NBEA: variants seen among roughly 807,000 people sequenced by gnomAD.
NBEA encodes the protein neurobeachin.
In NBEA, 44 loss-of-function variants were observed where a neutral mutation model predicts 343.4. That is an observed-to-expected ratio of 0.13 (90% CI 0.10 to 0.16). The LOEUF (loss-of-function observed/expected upper bound fraction) is 0.16. Ranked by LOEUF, NBEA falls within the 10% of genes least tolerant of loss-of-function variation. NBEA has a pLI of 1.00. For missense variants in NBEA, 2,555 were observed against 3,631.3 expected (o/e 0.70, Z 7.62); for synonymous variants, 1,175 against 1,238.7 (o/e 0.95, Z 1.08).
chr13:34,990,783 C>G (rs532562160), intron 1 of NBEA, among the ~76,000 whole-genome samples: 1 of 152,260 alleles, frequency 6.6e-6, no homozygotes, highest in East Asian at 1.9e-4. Context: ...AACTTTTATG[C>G]TGTTTCCTTT....
chr13:35,488,595 T>C (rs1019280359), intron 41 of NBEA, among the ~76,000 whole-genome samples: 8 of 151,972 alleles, frequency 5.3e-5, no homozygotes, highest in East Asian at 1.9e-4. Context: ...TAGACTGTTA[T>C]AGGAATCACC....
chr13:35,237,206 G>A (rs1001940307), intron 34 of NBEA, among the ~76,000 whole-genome samples: 1 of 152,022 alleles, frequency 6.6e-6, no homozygotes, highest in South Asian at 2.1e-4. Context: ...AGTGAGCCAC[G>A]ATCGTACCAC....
chr13:35,517,262 T>C (rs2077521181), intron 41 of NBEA, among the ~76,000 whole-genome samples: 1 of 152,136 alleles, frequency 6.6e-6, no homozygotes, highest in Non-Finnish European at 1.5e-5. Context: ...AGGTATGTCC[T>C]TTCAGTCACC....
intron 8 of NBEA, among the ~76,000 whole-genome samples, chr13:35,067,121 C>A (rs1416094019): frequency 2.0e-5 from 3 of 151,930 alleles, no homozygotes; most frequent in Non-Finnish European, 4.4e-5. Context: ...GTTACGAACC[C>A]AACATGACGT....
At chr13:35,197,792 AC>A (rs1269812950) in intron 31 of NBEA, among the ~76,000 whole-genome samples, 1 of 152,128 alleles carries the variant, frequency 6.6e-6, no homozygotes, top group Non-Finnish European at 1.5e-5. Flanking sequence ...GCGCCACCGC[AC>A]CTGGCCGAAT....
chr13:35,461,805 A>C (rs536760572), intron 40 of NBEA, among the ~76,000 whole-genome samples: 1 of 152,238 alleles, frequency 6.6e-6, no homozygotes, highest in Admixed American at 6.5e-5. Context: ...GTCTTTCTGC[A>C]TACTGAAAAT....
At chr13:35,302,425 A>C (rs2036616347) in intron 35 of NBEA, among the ~76,000 whole-genome samples, 1 of 152,202 alleles carries the variant, frequency 6.6e-6, no homozygotes, top group Non-Finnish European at 1.5e-5. Context: ...TTGACTTGGT[A>C]AATTGAAATT....
intron 11 of NBEA, among the ~76,000 whole-genome samples, chr13:35,106,634 C>A (rs1252642926): frequency 1.3e-5 from 2 of 151,740 alleles, no homozygotes; most frequent in African/African-American, 4.8e-5. Context: ...TATTTACAAT[C>A]CAAAATTGTA....
intron 40 of NBEA, among the ~76,000 whole-genome samples, chr13:35,470,544 G>C (rs1269403405): frequency 6.6e-6 from 1 of 152,106 alleles, no homozygotes; most frequent in Non-Finnish European, 1.5e-5. Flanking sequence ...ACTTTTTTGA[G>C]GTTTTTAGCA....
intron 36 of NBEA, among the ~76,000 whole-genome samples, chr13:35,320,720 T>C (rs2038077015): frequency 6.6e-6 from 1 of 152,184 alleles, no homozygotes; most frequent in South Asian, 2.1e-4. Context: ...TCCCCATCAC[T>C]TTCAGGTACA....
chr13:35,301,948 A>T (rs1186018694), intron 35 of NBEA, among the ~76,000 whole-genome samples: 1 of 152,182 alleles, frequency 6.6e-6, no homozygotes, highest in African/African-American at 2.4e-5. Context: ...AAAATAGCTG[A>T]TACAAACTTA....
At chr13:34,964,542 T>C (rs1283814148) in intron 1 of NBEA, among the ~76,000 whole-genome samples, 1 of 152,018 alleles carries the variant, frequency 6.6e-6, no homozygotes, top group Non-Finnish European at 1.5e-5. Context: ...ATTTAGGAAA[T>C]ATTTTATTGA....
In NBEA at chr13:35,161,764, G is replaced by T. The variant is rs1481433256; in HGVS notation, c.3876G>T (p.Arg1292=). The T allele has an allele frequency of 6.2e-7, 1 of 1,610,634 alleles. No individual in the cohort carries two copies. The highest frequency in any genetic ancestry group is 1.7e-5 in the Admixed American group (1 of 59,646). ...TCCTTCTTTAGGCTGTGCAGGGTCGGTCTATCACCCAACAAGACCGAGATC... is the reference window on the plus strand; with the variant it reads ...TCCTTCTTTAGGCTGTGCAGGGTCGTTCTATCACCCAACAAGACCGAGATC... The part of the protein sequence containing the change: ...TTTTTQAVQG[R]SITQQDRDLR... The change falls in exon 23 of 59, where the codon CGG becomes CGT. Residue 1292 remains arginine (R), a synonymous_variant. Coordinates refer to ENST00000379939, the MANE Select transcript of NBEA (RefSeq NM_001385012.1).
chr13:35,580,158 T>G (rs1566356343), intron 45 of NBEA, among the ~76,000 whole-genome samples: 1 of 152,132 alleles, frequency 6.6e-6, no homozygotes, highest in African/African-American at 2.4e-5. Context: ...GCACCATTTT[T>G]TCCTATTTGT....
intron 23 of NBEA, 68 bp from the exon 24 acceptor site, chr13:35,164,288 A>G: frequency 2.9e-6 from 4 of 1,359,274 alleles, no homozygotes; most frequent in Non-Finnish European, 2.0e-6. Context: ...TTCACTTGTT[A>G]TTCTAATTGT....
chr13:35,559,930 C>CAA (rs34700584), intron 44 of NBEA, among the ~76,000 whole-genome samples: 25 of 108,942 alleles, frequency 2.3e-4, no homozygotes, highest in South Asian at 1.2e-3. Flanking sequence ...GACTCCGTCT[C>CAA]AAAAAAAAAA....
intron 16 of NBEA, among the ~76,000 whole-genome samples, chr13:35,122,512 T>C (rs1306564327): frequency 3.4e-5 from 5 of 145,084 alleles, no homozygotes; most frequent in Non-Finnish European, 4.5e-5. Context: ...TAGGTGGGAA[T>C]TGAACAATGA....
At chr13:35,430,977 T>C (rs1594614334) in intron 38 of NBEA, among the ~76,000 whole-genome samples, 1 of 152,154 alleles carries the variant, frequency 6.6e-6, no homozygotes, top group South Asian at 2.1e-4. Context: ...TCTTTTTATA[T>C]GCCCTTTATA....
intron 34 of NBEA, among the ~76,000 whole-genome samples, chr13:35,274,766 G>T (rs545764709): frequency 6.6e-6 from 1 of 152,196 alleles, no homozygotes; most frequent in South Asian, 2.1e-4. Context: ...TTACTACAAA[G>T]AGAATAAAAT....
Sources: gnomAD v4.1 joint callset for allele counts (sites outside exome capture counted in the v4.1 genomes callset) on GRCh38, gnomAD v4.1.1 for gene constraint, MANE v1.5 for transcripts, NCBI Gene and HGNC (gene_info 2026-07-23, HGNC 2026-07-21) for gene names.